Variants in SYNPR observed in about 807,000 individuals in gnomAD.
The protein encoded by SYNPR is synaptoporin.
In SYNPR, 23 loss-of-function variants were observed where a neutral mutation model predicts 32.9. The ratio of observed to expected loss-of-function variants is 0.70; its 90% CI spans 0.50 to 0.99. SYNPR has a LOEUF of 0.99. Among genes scored for constraint, SYNPR ranks in the 50% least tolerant of loss-of-function variants. SYNPR has a pLI of 0.00. For missense variants in SYNPR, 318 were observed against 349.3 expected (o/e 0.91, Z 0.71); for synonymous variants, 146 against 135.9 (o/e 1.07, Z -0.52).
intron 2 of SYNPR, among the ~76,000 whole-genome samples, chr3:63,336,799 G>A (rs2087301328): frequency 6.6e-6 from 1 of 151,732 alleles, no homozygotes; most frequent in South Asian, 2.1e-4. Flanking sequence ...CACTGTTAAG[G>A]GAATGAAAGA....
At chr3:63,260,886 AC>A (rs201525741) in intron 2 of SYNPR, among the ~76,000 whole-genome samples, 12 of 147,308 alleles carry the variant, frequency 8.1e-5, no homozygotes, top group Admixed American at 4.1e-4. Context: ...AAAAAAAAAA[AC>A]CATCAAAAGT....
intron 1 of SYNPR, among the ~76,000 whole-genome samples, chr3:63,241,234 T>A (rs867598689): frequency 1.3e-5 from 2 of 152,128 alleles, no homozygotes; most frequent in South Asian, 4.1e-4. Context: ...GACCAGAGAA[T>A]GGACCTCCGT....
intron 3 of SYNPR, among the ~76,000 whole-genome samples, chr3:63,554,141 A>G (rs775870646): frequency 3.3e-5 from 5 of 152,180 alleles, no homozygotes; most frequent in Non-Finnish European, 5.9e-5. Context: ...CCTTTGTCAG[A>G]TACATAATTT....
At chr3:63,269,162 G>C (rs928738603) in intron 3 of SYNPR, among the ~76,000 whole-genome samples, 2 of 152,170 alleles carry the variant, frequency 1.3e-5, no homozygotes, top group African/African-American at 4.8e-5. Flanking sequence ...GGGAGTTCAA[G>C]TTGAAACAAA....
At chr3:63,256,088 G>A (rs969289667) in intron 2 of SYNPR, among the ~76,000 whole-genome samples, 1 of 152,156 alleles carries the variant, frequency 6.6e-6, no homozygotes, top group African/African-American at 2.4e-5. Context: ...CAACTGGGTG[G>A]AGCCCACCGC....
rs1702885618 is a variant in SYNPR, at chr3:63,571,498, T to A, written c.408+14757T>A. Among the ~76,000 whole-genome samples the A allele has an allele frequency of 2.0e-5, 3 of 152,070 alleles. No homozygotes were observed. In the South Asian group the frequency reaches 6.2e-4, roughly 32 times the overall value. On this transcript the variant is annotated intron_variant, in intron 4 of 5. Coordinates refer to ENST00000478300, the MANE Select transcript of SYNPR (RefSeq NM_001130003.2). ...GGGAGGTTACTTGATAAATAGGTAA[T>A]CCGAAAACTAGAGATTTACTCTTGA...
intron 3 of SYNPR, among the ~76,000 whole-genome samples, chr3:63,553,799 G>C (rs750337554): frequency 6.6e-6 from 1 of 152,086 alleles, no homozygotes; most frequent in East Asian, 1.9e-4. Flanking sequence ...TCGGCTCATC[G>C]CAACCTCCGC....
intron 1 of SYNPR, among the ~76,000 whole-genome samples, chr3:63,232,822 T>G (rs2086176053): frequency 6.6e-6 from 1 of 152,224 alleles, no homozygotes; most frequent in African/African-American, 2.4e-5. Context: ...ATATAGTCAT[T>G]TGATTAAACT....
chr3:63,262,844 C>CTTA (rs1474113162), intron 2 of SYNPR, among the ~76,000 whole-genome samples: 7 of 152,206 alleles, frequency 4.6e-5, no homozygotes, highest in African/African-American at 1.7e-4. Context: ...AATGGTAACA[C>CTTA]TTATGTTGGG....
intron 3 of SYNPR, among the ~76,000 whole-genome samples, chr3:63,520,673 A>C (rs1161279648): frequency 1.2e-4 from 2 of 16,652 alleles, no homozygotes; most frequent in Non-Finnish European, 3.7e-4. Flanking sequence ...ACTCCATCTC[A>C]AAAAAAAAAA....
intron 4 of SYNPR, among the ~76,000 whole-genome samples, chr3:63,599,427 T>C (rs1283713454): frequency 1.3e-5 from 2 of 152,260 alleles, no homozygotes; most frequent in East Asian, 1.9e-4. Flanking sequence ...TATGTGTAGA[T>C]GTGTTTACAT....
chr3:63,452,007 T>A, intron 2 of SYNPR: 1 of 682,558 alleles, frequency 1.5e-6, no homozygotes, highest in South Asian at 1.6e-5. Context: ...CCTCCTTTCT[T>A]CCTCCCCCAG....
intron 3 of SYNPR, among the ~76,000 whole-genome samples, chr3:63,504,507 A>G (rs1701547690): frequency 6.6e-6 from 1 of 152,154 alleles, no homozygotes; most frequent in Non-Finnish European, 1.5e-5. Context: ...TCCAAAGTTT[A>G]TCTACAAGTC....
chr3:63,391,613 A>G (rs1174481006), intron 2 of SYNPR, among the ~76,000 whole-genome samples: 1 of 152,246 alleles, frequency 6.6e-6, no homozygotes, highest in African/African-American at 2.4e-5. Flanking sequence ...GGTATGATAC[A>G]TACTATACTC....
chr3:63,386,057 C>T (rs2088039490), intron 2 of SYNPR, among the ~76,000 whole-genome samples: 1 of 152,158 alleles, frequency 6.6e-6, no homozygotes, highest in Admixed American at 6.5e-5. Context: ...CAAACTGGGT[C>T]CCAGTAATGC....
intron 2 of SYNPR, among the ~76,000 whole-genome samples, chr3:63,256,178 C>G (rs1222363190): frequency 2.0e-5 from 3 of 152,354 alleles, no homozygotes; most frequent in Non-Finnish European, 4.4e-5. Flanking sequence ...GCAGAAACCT[C>G]TGTAGACTTA....
chr3:63,484,235 C>T (rs12488538), intron 3 of SYNPR, among the ~76,000 whole-genome samples: 25,479 of 151,988 alleles, frequency 0.17, 2,498 homozygotes, highest in East Asian at 0.26. Context: ...CATTTGTCAC[C>T]TTATTTTCCT....
intron 2 of SYNPR, among the ~76,000 whole-genome samples, chr3:63,252,781 C>T (rs2086344586): frequency 6.6e-6 from 1 of 152,144 alleles, no homozygotes; most frequent in South Asian, 2.1e-4. Flanking sequence ...GGGCTCATGC[C>T]TGTAATCTTA....
intron 2 of SYNPR, among the ~76,000 whole-genome samples, chr3:63,256,913 G>A (rs546957230): frequency 1.8e-4 from 28 of 152,264 alleles, no homozygotes; most frequent in African/African-American, 5.8e-4. Context: ...CGAGAACTAC[G>A]TGACGAATGC....
Sources: gnomAD v4.1 joint callset for allele counts (sites outside exome capture counted in the v4.1 genomes callset) on GRCh38, gnomAD v4.1.1 for gene constraint, MANE v1.5 for transcripts, NCBI Gene and HGNC (gene_info 2026-07-23, HGNC 2026-07-21) for gene names.